The following ZFAND3 variants were observed in gnomAD, a reference collection of about 807,000 sequenced individuals.
The protein encoded by ZFAND3 is AN1-type zinc finger protein 3.
Under a neutral mutation model 29.6 loss-of-function variants are expected in ZFAND3, and 10 were observed. The ratio of observed to expected loss-of-function variants is 0.34; its 90% confidence interval spans 0.21 to 0.57. The LOEUF is 0.57. ZFAND3 is among the 20% of genes least tolerant of loss of function. ZFAND3 has a pLI of 0.86. For synonymous variants in ZFAND3, 128 were observed against 112.6 expected (o/e 1.14, Z -0.87); for missense variants, 230 against 304.5 (o/e 0.76, Z 1.82).
At chr6:37,839,522 G>GTT (rs71542140) in intron 1 of ZFAND3, among the ~76,000 whole-genome samples, 1 of 133,078 alleles carries the variant, frequency 7.5e-6, no homozygotes, top group African/African-American at 2.6e-5. Context: ...TTGTTGTTTT[G>GTT]TTTTTTTTTT....
chr6:37,902,434 C>CTGCACTCTAGCCTGCCA (rs950798122), intron 1 of ZFAND3, among the ~76,000 whole-genome samples: 18 of 152,242 alleles, frequency 1.2e-4, no homozygotes, highest in South Asian at 2.1e-4. Context: ...GATGATACCA[C>CTGCACTCTAGCCTGCCA]TGCACTCTAG....
At position 38,107,572 on chromosome 6, in the gene ZFAND3, C is replaced by G. The variant is rs145858892; in HGVS notation, c.362-9000C>G. 2.0e-4 allele frequency among the ~76,000 whole-genome samples: 30 copies of G among 152,342 alleles called. No individual in the cohort carries two copies. In the East Asian group the frequency reaches 5.4e-3, roughly 27 times the overall value. ...TCCTGCCAGGCACAGTGGCTCACAC[C>G]TGTAATCCCAGCACTTGGGGAGGCC... On this transcript the variant is annotated intron_variant, in intron 4 of 5. Coordinates refer to ENST00000287218, the MANE Select transcript of ZFAND3 (RefSeq NM_021943.3).
At chr6:38,095,346 A>G (rs1764955846) in intron 4 of ZFAND3, among the ~76,000 whole-genome samples, 1 of 152,202 alleles carries the variant, frequency 6.6e-6, no homozygotes, top group Admixed American at 6.5e-5. Context: ...TTGCTCAAAA[A>G]TCATGCCACA....
chr6:37,890,513 T>A (rs2127396013), intron 1 of ZFAND3, among the ~76,000 whole-genome samples: 1 of 152,370 alleles, frequency 6.6e-6, no homozygotes, highest in East Asian at 1.9e-4. Context: ...CTGTAACATG[T>A]GATCTGTATT....
rs1228576571 is a variant in ZFAND3, at chr6:38,022,389, G to GT, written c.113-39198dup. On this transcript the variant is annotated intron_variant, in intron 2 of 5. Coordinates refer to ENST00000287218, the MANE Select transcript of ZFAND3 (RefSeq NM_021943.3). ...GATTTTAATGTCATAGCAGTGCCATGTTTTTTGATGCTGTTTGTGCATCTT... is the reference window on the plus strand; with the variant it reads ...GATTTTAATGTCATAGCAGTGCCATGTTTTTTTGATGCTGTTTGTGCATCTT... 2.6e-5 allele frequency among the ~76,000 whole-genome samples: 4 copies of GT among 152,338 alleles called. No homozygotes were observed. The East Asian group carries it at 7.7e-4, about 29-fold the overall frequency.
intron 2 of ZFAND3, among the ~76,000 whole-genome samples, chr6:37,952,650 A>G (rs1274460312): frequency 6.6e-6 from 1 of 151,942 alleles, no homozygotes; most frequent in African/African-American, 2.4e-5. Context: ...GTCAGCTCAA[A>G]TGTCTGTGGG....
chr6:38,013,029 T>A (rs1763186367), intron 2 of ZFAND3, among the ~76,000 whole-genome samples: 1 of 152,194 alleles, frequency 6.6e-6, no homozygotes, highest in Non-Finnish European at 1.5e-5. Context: ...TATACTTGAG[T>A]GTATTTTCTA....
At chr6:37,975,670 T>C (rs1762465556) in intron 2 of ZFAND3, among the ~76,000 whole-genome samples, 1 of 152,180 alleles carries the variant, frequency 6.6e-6, no homozygotes, top group Non-Finnish European at 1.5e-5. Context: ...TGCAGTGCCT[T>C]TGGGACTTTG....
At chr6:38,103,497 G>A (rs536212552) in intron 4 of ZFAND3, among the ~76,000 whole-genome samples, 522 of 11,024 alleles carry the variant, frequency 0.047, 4 homozygotes, top group Middle Eastern at 0.17. Context: ...ATATACACGT[G>A]TATATATATA....
In ZFAND3 at chr6:37,984,323, T is replaced by A. The variant is rs139632409; in HGVS notation, c.112+54324T>A. On this transcript the variant is annotated intron_variant, in intron 2 of 5. Coordinates refer to ENST00000287218, the MANE Select transcript of ZFAND3 (RefSeq NM_021943.3). ...AAACTAAAACAAAAATTGAGTCAGA[T>A]GAACTAAGTGTTAAGAGCTTTAAAG... Among the ~76,000 whole-genome samples the A allele has an allele frequency of 2.0e-5, 3 of 152,356 alleles. No individual in the cohort carries two copies. In the East Asian group the frequency reaches 5.8e-4, roughly 29 times the overall value.
chr6:37,886,098 C>T (rs1213065548), intron 1 of ZFAND3, among the ~76,000 whole-genome samples: 2 of 151,588 alleles, frequency 1.3e-5, no homozygotes, highest in Non-Finnish European at 2.9e-5. Flanking sequence ...ACCAGCCGGG[C>T]GTGGAGGCAG....
intron 1 of ZFAND3, among the ~76,000 whole-genome samples, chr6:37,873,865 G>A (rs1301725605): frequency 1.3e-5 from 2 of 152,184 alleles, no homozygotes; most frequent in South Asian, 2.1e-4. Flanking sequence ...AGGAATAAAT[G>A]TGACTGTGTC....
intron 2 of ZFAND3, among the ~76,000 whole-genome samples, chr6:38,012,377 ATTTTTTT>A (rs67495073): frequency 5.7e-5 from 7 of 123,338 alleles, no homozygotes; most frequent in East Asian, 2.5e-4. Context: ...TTTTGATAGT[ATTTTTTT>A]TTTTTTTTTT....
chr6:37,830,679 A>G (rs1763843820), intron 1 of ZFAND3, among the ~76,000 whole-genome samples: 2 of 152,104 alleles, frequency 1.3e-5, no homozygotes, highest in African/African-American at 2.4e-5. Flanking sequence ...GACTCAACCT[A>G]CCTTTCTTTT....
Position 38,144,200 on chromosome 6 carries a change from TATATATATATAATATATAATATATATATA to T in ZFAND3, c.530-8034_530-8006del, listed in dbSNP as rs1187494723. Among the ~76,000 whole-genome samples the T allele has an allele frequency of 1.8e-3, 75 of 41,214 alleles. 4 individuals are homozygous for T. The highest frequency in any genetic ancestry group is 0.01 in the African/African-American group (72 of 6,868). The allele number at this position is 41,214 out of a possible 152,430, so 27.0% of individuals were successfully genotyped here. A position where few individuals can be genotyped will look rare whatever the true frequency, so the allele number is the denominator to read the frequency against. ...TATATATATAATATATATATATATA[TATATATATATAATATATAATATATATATA>T]TATTTTTTTTTTAATAAGGTTGCTT... On this transcript the variant is annotated intron_variant, in intron 5 of 5. Coordinates refer to ENST00000287218, the MANE Select transcript of ZFAND3 (RefSeq NM_021943.3).
intron 2 of ZFAND3, among the ~76,000 whole-genome samples, chr6:38,029,194 C>T (rs904044408): frequency 6.6e-6 from 1 of 152,152 alleles, no homozygotes; most frequent in African/African-American, 2.4e-5. Context: ...TTAAATAGTA[C>T]AGCTTATAAA....
intron 2 of ZFAND3, among the ~76,000 whole-genome samples, chr6:38,048,169 C>G (rs184318580): frequency 4.4e-4 from 67 of 151,820 alleles, no homozygotes; most frequent in Middle Eastern, 3.4e-3. Context: ...TTATGCCTGG[C>G]CAATTTTTGT....
chr6:37,983,343 C>CTTTTTTTTTTTTTTTTTTTTT (rs70981516), intron 2 of ZFAND3, among the ~76,000 whole-genome samples: 3 of 50,046 alleles, frequency 6.0e-5, no homozygotes, highest in African/African-American at 2.4e-4. Context: ...CAGTTTTTAT[C>CTTTTTTTTTTTTTTTTTTTTT]TTTTTTTTTT....
At chr6:37,954,559 C>A (rs1274228083) in intron 2 of ZFAND3, among the ~76,000 whole-genome samples, 2 of 152,076 alleles carry the variant, frequency 1.3e-5, no homozygotes, top group Non-Finnish European at 2.9e-5. Context: ...TTTTTGCACA[C>A]AGAATATAGT....
Sources: gnomAD v4.1 joint callset for allele counts (sites outside exome capture counted in the v4.1 genomes callset) on GRCh38, gnomAD v4.1.1 for gene constraint, MANE v1.5 for transcripts, NCBI Gene and HGNC (gene_info 2026-07-23, HGNC 2026-07-21) for gene names.